Variants in MAGI2 observed in about 807,000 individuals in gnomAD.
The protein encoded by MAGI2 is membrane associated guanylate kinase, WW and PDZ domain containing 2, also known as membrane-associated guanylate kinase, WW and PDZ domain-containing protein 2.
A neutral mutation model predicts 133.3 loss-of-function variants in MAGI2; 35 were observed. That is an observed-to-expected ratio of 0.26 (90% CI 0.20 to 0.35). The LOEUF is 0.35. Among genes scored for constraint, MAGI2 ranks in the 10% least tolerant of loss-of-function variants. The pLI is 1.00. For missense variants in MAGI2, 1,636 were observed against 1,863.4 expected, an observed-to-expected ratio of 0.88 and a Z score of 2.25; for synonymous variants, 729 against 710.6, an observed-to-expected ratio of 1.03 and a Z score of -0.41.
chr7:78,819,654 T>A (rs932130740), intron 2 of MAGI2, among the ~76,000 whole-genome samples: 1 of 151,902 alleles, frequency 6.6e-6, no homozygotes, highest in Non-Finnish European at 1.5e-5. Flanking sequence ...GTGTGCAAAT[T>A]GGTTTAAGTT....
chr7:78,102,903 C>T (rs1379302326), intron 20 of MAGI2, among the ~76,000 whole-genome samples: 1 of 152,164 alleles, frequency 6.6e-6, no homozygotes, highest in Admixed American at 6.5e-5. Flanking sequence ...GTCTTATTTT[C>T]CTGCTTCCAT....
intron 3 of MAGI2, among the ~76,000 whole-genome samples, chr7:78,591,062 C>A (rs1466176772): frequency 6.6e-6 from 1 of 151,974 alleles, no homozygotes. Context: ...ACTATACATG[C>A]CTAGATTTAT....
intron 1 of MAGI2, among the ~76,000 whole-genome samples, chr7:79,199,574 G>A (rs1828405419): frequency 1.3e-5 from 2 of 151,894 alleles, no homozygotes; most frequent in Non-Finnish European, 1.5e-5. Context: ...CTTAACCTAC[G>A]TGCAAAAATC....
At chr7:78,296,919 T>A (rs1480296939) in intron 9 of MAGI2, among the ~76,000 whole-genome samples, 1 of 152,168 alleles carries the variant, frequency 6.6e-6, no homozygotes, top group Non-Finnish European at 1.5e-5. Context: ...AGTGCTTTTT[T>A]ACACAGGGCA....
chr7:79,043,966 A>G (rs1811933121), intron 1 of MAGI2, among the ~76,000 whole-genome samples: 1 of 152,132 alleles, frequency 6.6e-6, no homozygotes, highest in Admixed American at 6.5e-5. Context: ...GCCCTGGACT[A>G]GATGGATTCA....
chr7:79,359,669 AACACACACACACACACAC>A lies in MAGI2; in HGVS notation c.301+93333_301+93350del, dbSNP rs59414419. Among the ~76,000 whole-genome samples, 260 of 140,116 alleles carry A rather than the reference AACACACACACACACACAC, an allele frequency of 1.9e-3. 2 individuals are homozygous for A. Among genetic ancestry groups the A allele is most frequent in the African/African-American group, 4.0e-3 (152 of 37,980 alleles). The allele number at this position is 140,116 out of a possible 152,430, so 91.9% of individuals were successfully genotyped here. On this transcript the variant is annotated intron_variant, in intron 1 of 21. Transcript: ENST00000354212. ...ACCAAAAGGAAATGCTCAAGTGGGA[AACACACACACACACACAC>A]ACACACACACACACACACACACACA...
intron 2 of MAGI2, among the ~76,000 whole-genome samples, chr7:78,992,277 G>C (rs986648047): frequency 1.6e-4 from 24 of 151,906 alleles, no homozygotes; most frequent in African/African-American, 5.8e-4. Flanking sequence ...ATTTGAACTT[G>C]CAATAAAGAT....
At chr7:78,271,479 AG>A (rs1260589303) in intron 9 of MAGI2, among the ~76,000 whole-genome samples, 2 of 152,332 alleles carry the variant, frequency 1.3e-5, no homozygotes, top group African/African-American at 2.4e-5. Flanking sequence ...AAAATGAATT[AG>A]GGAGGATTCC....
chr7:79,235,731 G>C (rs1002110556), intron 1 of MAGI2, among the ~76,000 whole-genome samples: 2 of 152,314 alleles, frequency 1.3e-5, no homozygotes, highest in African/African-American at 4.8e-5. Flanking sequence ...ACCTCAGATG[G>C]AAATGCAGAA....
At chr7:78,569,521 TTTTAA>T (rs1172185392) in intron 3 of MAGI2, among the ~76,000 whole-genome samples, 1 of 152,218 alleles carries the variant, frequency 6.6e-6, no homozygotes, top group Non-Finnish European at 1.5e-5. Flanking sequence ...GGTAGATTTG[TTTTAA>T]TTTAAGTCCT....
intron 21 of MAGI2, among the ~76,000 whole-genome samples, chr7:78,044,693 G>C (rs62461164): frequency 0.085 from 10,148 of 118,776 alleles, 350 homozygotes; most frequent in Non-Finnish European, 0.09. Flanking sequence ...GTGTGTGTGT[G>C]TGTGTGTGTG....
At chr7:78,210,172 G>A (rs1012764602) in intron 10 of MAGI2, among the ~76,000 whole-genome samples, 6 of 152,028 alleles carry the variant, frequency 3.9e-5, no homozygotes, top group African/African-American at 1.5e-4. Context: ...TCCCCCATTA[G>A]AGCATAAATT....
Position 78,699,013 on chromosome 7 carries a change from A to G in MAGI2, c.419-71774T>C, listed in dbSNP as rs192676037. 1.2e-4 allele frequency among the ~76,000 whole-genome samples: 18 copies of G among 152,342 alleles called. No homozygotes were observed. The East Asian group carries it at 3.5e-3, about 29-fold the overall frequency. On this transcript the variant is annotated intron_variant, in intron 2 of 21. Coordinates refer to ENST00000354212, the MANE Select transcript of MAGI2 (RefSeq NM_012301.4). ...ATACTTTTACCTTTATATACTATTT[A>G]GAGTCAGAAATGATGGTGATAAACA...
chr7:78,319,845 A>AT (rs1361901032), intron 9 of MAGI2, among the ~76,000 whole-genome samples: 1 of 152,150 alleles, frequency 6.6e-6, no homozygotes, highest in African/African-American at 2.4e-5. Context: ...CAGGAGCTGG[A>AT]TTTTTGAAAA....
At position 79,367,028 on chromosome 7, in the gene MAGI2, T is replaced by C. The variant is rs1017221973; in HGVS notation, c.301+85992A>G. ...CTCCTTCTAGATACAGGTGAACTTC[T>C]TGACTTTGAACATAGACTGCTAAGA... is the stretch of plus-strand genomic sequence containing the variant. On this transcript the variant is annotated intron_variant, in intron 1 of 21. Coordinates refer to ENST00000354212, the MANE Select transcript of MAGI2 (RefSeq NM_012301.4). Among the ~76,000 whole-genome samples the C allele has an allele frequency of 2.0e-5, 3 of 152,338 alleles. No homozygotes were observed. In the South Asian group the frequency reaches 6.2e-4, roughly 32 times the overall value.
At chr7:78,535,563 C>G (rs2150642349) in intron 3 of MAGI2, among the ~76,000 whole-genome samples, 1 of 145,546 alleles carries the variant, frequency 6.9e-6, no homozygotes. Flanking sequence ...TGTCCTGACT[C>G]CATCTTGCCT....
chr7:78,089,818 G>T (rs571652021), intron 20 of MAGI2, among the ~76,000 whole-genome samples: 118 of 151,978 alleles, frequency 7.8e-4, no homozygotes, highest in South Asian at 7.5e-3. Context: ...CATCCATATG[G>T]TTGCCATAAT....
intron 3 of MAGI2, among the ~76,000 whole-genome samples, chr7:78,546,345 A>C (rs1043070419): frequency 6.6e-6 from 1 of 152,102 alleles, no homozygotes; most frequent in Non-Finnish European, 1.5e-5. Context: ...AATATTTGCT[A>C]TAAGATCGTT....
chr7:78,911,814 G>A (rs1798421318), intron 2 of MAGI2, among the ~76,000 whole-genome samples: 1 of 151,904 alleles, frequency 6.6e-6, no homozygotes, highest in African/African-American at 2.4e-5. Flanking sequence ...ATTAAGCCCA[G>A]TACCCAATAG....
Sources: allele counts gnomAD v4.1 joint callset (sites outside exome capture counted in the v4.1 genomes callset), GRCh38; gene constraint gnomAD v4.1.1; transcripts MANE v1.5; gene names NCBI Gene and HGNC (gene_info 2026-07-23, HGNC 2026-07-21).